The following USP53 variants were observed in gnomAD, a reference collection of about 807,000 sequenced individuals.
USP53 encodes ubiquitin carboxyl-terminal hydrolase 53.
Under a neutral mutation model 94.9 loss-of-function variants are expected in USP53, and 71 were observed. The observed-to-expected ratio is 0.75, with a 90% CI of 0.62 to 0.91. The LOEUF is 0.91. Ranked by LOEUF, USP53 falls within the 40% of genes least tolerant of loss-of-function variation. USP53 has a pLI of 0.00. For missense variants in USP53, 1,173 were observed against 1,281.0 expected, an observed-to-expected ratio of 0.92 and a Z score of 1.29; for synonymous variants, 375 against 422.7, an observed-to-expected ratio of 0.89 and a Z score of 1.39.
Position 119,267,379 on chromosome 4 carries a change from A to C in USP53, c.1032A>C (p.Leu344=), listed in dbSNP as rs944029315. 6.2e-7 allele frequency: 1 copy of C among 1,613,906 alleles called. No homozygotes were observed. The highest frequency in any genetic ancestry group is 1.3e-5 in the African/African-American group (1 of 74,892). ...SKCIRCHFQP[L]LLFYANPDGT... ...GCATTCGATGCCACTTTCAGCCACT[A>C]CTTTTGTTTTATGCAAACCCAGATG... Residue 344 remains leucine (L), a synonymous_variant, in exon 13 of 19, where the codon CTA becomes CTC. Coordinates refer to ENST00000692078, the MANE Select transcript of USP53 (RefSeq NM_001371395.1).
chr4:119,280,538 C>T (rs113035592), intron 17 of USP53, among the ~76,000 whole-genome samples: 18 of 151,828 alleles, frequency 1.2e-4, no homozygotes, highest in African/African-American at 3.1e-4. Flanking sequence ...TTGAGGTAAG[C>T]GTAAAGAAAA....
intron 3 of USP53, chr4:119,218,874 G>T (rs1744150342): frequency 6.6e-6 from 1 of 152,130 alleles, no homozygotes; most frequent in Non-Finnish European, 1.5e-5. Context: ...ATGAGCAGTT[G>T]TAGCATATCA....
chr4:119,234,523 A>G (rs190891298), intron 3 of USP53, among the ~76,000 whole-genome samples: 6 of 152,218 alleles, frequency 3.9e-5, no homozygotes, highest in Non-Finnish European at 7.3e-5. Flanking sequence ...CATATACGCT[A>G]AAGTGTATAT....
At chr4:119,253,637 A>C (rs1749348126) in intron 7 of USP53, among the ~76,000 whole-genome samples, 1 of 152,084 alleles carries the variant, frequency 6.6e-6, no homozygotes, top group Non-Finnish European at 1.5e-5. Flanking sequence ...GGGTCTCCTG[A>C]ATACAGCACA....
At chr4:119,273,761 TTTA>T (rs1257534998) in intron 17 of USP53, 53 bp downstream of exon 17, 6 of 1,450,732 alleles carry the variant, frequency 4.1e-6, no homozygotes, top group Non-Finnish European at 5.7e-6. Flanking sequence ...ATTATAGTAA[TTTA>T]TTGTTTGCTA....
chr4:119,215,672 A>T (rs57515847), intron 2 of USP53, among the ~76,000 whole-genome samples: 2,360 of 151,940 alleles, frequency 0.016, 71 homozygotes, highest in African/African-American at 0.054. Flanking sequence ...ATTTACAAAC[A>T]TTATTCATAG....
At chr4:119,219,835 T>G (rs1380304858) in intron 3 of USP53, 1 of 152,226 alleles carries the variant, frequency 6.6e-6, no homozygotes, top group Admixed American at 6.5e-5. Flanking sequence ...CCTGGAATCT[T>G]GCCTTTTAGG....
intron 17 of USP53, 22 bp from the exon 18 acceptor site, chr4:119,291,143 T>TGCC: frequency 8.0e-6 from 6 of 747,548 alleles, no homozygotes; most frequent in African/African-American, 1.8e-5. Flanking sequence ...TCATCTCTTC[T>TGCC]CCCCACCCCA....
At chr4:119,236,065 A>G (rs1746701473) in intron 4 of USP53, among the ~76,000 whole-genome samples, 1 of 152,212 alleles carries the variant, frequency 6.6e-6, no homozygotes, top group Non-Finnish European at 1.5e-5. Flanking sequence ...CATCAACGAA[A>G]TTCAGTTGAT....
At position 119,294,643 on chromosome 4, in the gene USP53, T is replaced by C. The variant is rs1755095341; in HGVS notation, c.*1432T>C. 3.9e-5 allele frequency: 6 copies of C among 152,118 alleles called. No homozygotes were observed. The South Asian group carries it at 1.2e-3, about 31-fold the overall frequency. 9.4% of individuals were successfully genotyped at this position (152,118 alleles called of 1,614,324 possible). A position where few individuals can be genotyped will look rare whatever the true frequency, so the allele number is the denominator to read the frequency against. On this transcript the variant is annotated 3_prime_UTR_variant, in exon 19 of 19. Coordinates refer to ENST00000692078, the MANE Select transcript of USP53 (RefSeq NM_001371395.1). ...CTAGTAAATGTAGCCACTTGACTGATTGCGTAAATCGTGTTAAAACATTCT... is the reference window on the plus strand; with the variant it reads ...CTAGTAAATGTAGCCACTTGACTGACTGCGTAAATCGTGTTAAAACATTCT...
chr4:119,262,278 G>C (rs993983579), intron 12 of USP53, among the ~76,000 whole-genome samples: 1 of 151,862 alleles, frequency 6.6e-6, no homozygotes, highest in Non-Finnish European at 1.5e-5. Flanking sequence ...TTCAAATTTT[G>C]TGTGTAGAAT....
intron 2 of USP53, among the ~76,000 whole-genome samples, chr4:119,217,051 T>C (rs1224219326): frequency 6.6e-6 from 1 of 152,116 alleles, no homozygotes; most frequent in Non-Finnish European, 1.5e-5. Flanking sequence ...ATGAAACTGA[T>C]AGATTTTTAA....
chr4:119,241,372 C>G (rs1389030922), intron 5 of USP53, among the ~76,000 whole-genome samples: 1 of 152,066 alleles, frequency 6.6e-6, no homozygotes. Flanking sequence ...ATATCCTTTT[C>G]TATTGCTTGA....
At chr4:119,228,501 G>T (rs1745626682) in intron 3 of USP53, among the ~76,000 whole-genome samples, 1 of 152,104 alleles carries the variant, frequency 6.6e-6, no homozygotes. Flanking sequence ...ATGAGATAAT[G>T]GAATACATAT....
At chr4:119,289,597 A>G (rs761210460) in intron 17 of USP53, among the ~76,000 whole-genome samples, 3 of 152,206 alleles carry the variant, frequency 2.0e-5, no homozygotes, top group Non-Finnish European at 4.4e-5. Flanking sequence ...AAATAATTTT[A>G]TACAGTTTTC....
At chr4:119,213,914 G>A (rs974149355) in intron 1 of USP53, among the ~76,000 whole-genome samples, 156 bp from the exon 2 acceptor site, 1 of 150,904 alleles carries the variant, frequency 6.6e-6, no homozygotes, top group African/African-American at 2.4e-5. Flanking sequence ...CACTTAGGAA[G>A]GTTTTTGTGA....
chr4:119,250,968 C>T (rs536334767), intron 7 of USP53, among the ~76,000 whole-genome samples: 7 of 151,894 alleles, frequency 4.6e-5, no homozygotes, highest in African/African-American at 1.4e-4. Flanking sequence ...AGTTTTGTTA[C>T]ATAGGTATAC....
intron 17 of USP53, among the ~76,000 whole-genome samples, chr4:119,290,195 A>G (rs1005714458): frequency 5.3e-5 from 8 of 152,194 alleles, no homozygotes; most frequent in Non-Finnish European, 1.0e-4. Flanking sequence ...ATAGCTAGCT[A>G]TAATTAGAGA....
rs374511331 is a variant in USP53, at chr4:119,268,403, G to C, written c.1271G>C (p.Gly424Ala). 34 of 1,612,472 alleles carry C rather than the reference G, an allele frequency of 2.1e-5. No homozygotes were observed. The highest frequency in any genetic ancestry group is 2.7e-5 in the Non-Finnish European group (32 of 1,179,310). The change falls in exon 14 of 19, where the codon GGT (glycine) becomes GCT (alanine). Residue 424 changes from glycine (G) to alanine (A), a missense_variant. By Grantham distance (60) the Gly-to-Ala change is moderately conservative. Coordinates refer to ENST00000692078, the MANE Select transcript of USP53 (RefSeq NM_001371395.1). ...TCTAATCGGAGCCACAGTCACACAG[G>C]TGTAGGGAAAGGACCAGGTATGTGT... ...SSSNRSHSHTGVGKGPAKLSH... is the reference protein window; with the variant it reads ...SSSNRSHSHTAVGKGPAKLSH...
Sources: allele counts gnomAD v4.1 joint callset (sites outside exome capture counted in the v4.1 genomes callset), GRCh38; gene constraint gnomAD v4.1.1; transcripts MANE v1.5; gene names NCBI Gene and HGNC (gene_info 2026-07-23, HGNC 2026-07-21).